Variants in OR56A3 observed in about 807,000 individuals in gnomAD.
OR56A3 encodes olfactory receptor 56A3.
Under a neutral mutation model 17.5 loss-of-function variants are expected in OR56A3, and 23 were observed. That is an observed-to-expected ratio of 1.32 (90% CI 0.95 to 1.87). The LOEUF (loss-of-function observed/expected upper bound fraction) is 1.87, where lower values mean the gene tolerates loss of function less well. Among genes scored for constraint, OR56A3 ranks in the 40% most tolerant of loss-of-function variants. OR56A3 has a pLI of 0.00. For synonymous variants in OR56A3, 175 were observed against 150.6 expected (o/e 1.16, Z -1.19); for missense variants, 366 against 380.1 (o/e 0.96, Z 0.31).
the OR56A3 span, among the ~76,000 whole-genome samples, chr11:5,962,458 G>A: frequency 6.6e-6 from 1 of 151,686 alleles, no homozygotes; most frequent in East Asian, 1.9e-4. Context: ...AATAGCTTGA[G>A]AAGAATTGAT....
chr11:5,995,983 T>C, the OR56A3 span, among the ~76,000 whole-genome samples: 1 of 152,204 alleles, frequency 6.6e-6, no homozygotes, highest in Non-Finnish European at 1.5e-5. Context: ...TGAGATCATG[T>C]GGTATTTGTC....
chr11:5,996,993 G>A, the OR56A3 span, among the ~76,000 whole-genome samples: 1 of 152,162 alleles, frequency 6.6e-6, no homozygotes, highest in Admixed American at 6.5e-5. Context: ...TGAGATTAAT[G>A]GCCCTATCTT....
chr11:6,006,860 C>T, the OR56A3 span: 1 of 152,498 alleles, frequency 6.6e-6, no homozygotes, highest in East Asian at 1.9e-4. Context: ...CTGGATTCCC[C>T]CTCCACTCAT....
At position 5,947,718 on chromosome 11, in the gene OR56A3, T is replaced by C. The variant is rs1480773782; in HGVS notation, c.372T>C (p.Tyr124=). 1.9e-6 allele frequency: 3 copies of C among 1,614,240 alleles called. No individual in the cohort carries two copies. Among genetic ancestry groups the C allele is most frequent in the Non-Finnish European group, 2.5e-6 (3 of 1,180,038 alleles). The stretch of plus-strand genomic sequence containing the variant: ...CTTGCACATTCATGGTCATGGCCTA[T>C]GATCGTTATGTAGCCATCTGCCACC... ...MESCTFMVMA[Y]DRYVAICHPL... The change falls in exon 3 of 3, where the codon TAT becomes TAC. Residue 124 remains tyrosine (Y), a synonymous_variant. Coordinates refer to ENST00000641160, the MANE Select transcript of OR56A3 (RefSeq NM_001003443.3).
the OR56A3 span, among the ~76,000 whole-genome samples, chr11:5,992,113 G>A: frequency 6.6e-6 from 1 of 152,228 alleles, no homozygotes; most frequent in African/African-American, 2.4e-5. Context: ...TGCTCTGTGA[G>A]CTCAGACTTC....
At chr11:5,969,960 T>C in the OR56A3 span, among the ~76,000 whole-genome samples, 1 of 152,068 alleles carries the variant, frequency 6.6e-6, no homozygotes, top group African/African-American at 2.4e-5. Flanking sequence ...GAAGAGAGGG[T>C]AGAATTCTAA....
downstream of OR56A3, chr11:5,951,353 C>G (rs1389352404): frequency 6.6e-6 from 1 of 152,030 alleles, no homozygotes; most frequent in Non-Finnish European, 1.5e-5. Flanking sequence ...CATTTACACA[C>G]ACATAGATCT....
At chr11:5,999,024 G>A in the OR56A3 span, among the ~76,000 whole-genome samples, 3 of 152,292 alleles carry the variant, frequency 2.0e-5, no homozygotes, top group East Asian at 1.9e-4. Context: ...CTGTCCCTAC[G>A]TGTTTCCGAA....
the OR56A3 span, chr11:5,993,846 C>A: frequency 4.7e-6 from 2 of 421,628 alleles, no homozygotes; most frequent in Admixed American, 3.0e-5. Context: ...GCCTCCTGCT[C>A]CCTAAAGGGT....
In OR56A3 at chr11:5,944,813, G is replaced by T. The variant is rs1847858342; in HGVS notation, c.-306G>T. Reference sequence around the variant, plus strand: ...ATACCCTATTATTTACAGGAGAAAAGAATTGGGAGAATATCTAAATCTCTT... The same window carrying T: ...ATACCCTATTATTTACAGGAGAAAATAATTGGGAGAATATCTAAATCTCTT... On this transcript the variant is annotated 5_prime_UTR_variant, in exon 2 of 3. Transcript: ENST00000641160. The T allele has an allele frequency of 1.3e-5, 2 of 152,194 alleles. No individual in the cohort carries two copies. Among genetic ancestry groups the T allele is most frequent in the African/African-American group, 4.8e-5 (2 of 41,450 alleles). 9.4% of individuals were successfully genotyped at this position (152,194 alleles called of 1,614,324 possible). A position where few individuals can be genotyped will look rare whatever the true frequency, so the allele number is the denominator to read the frequency against.
At chr11:5,959,959 T>C in the OR56A3 span, among the ~76,000 whole-genome samples, 3 of 152,260 alleles carry the variant, frequency 2.0e-5, no homozygotes, top group Non-Finnish European at 4.4e-5. Flanking sequence ...GCATCTTTGT[T>C]GAAAATCATA....
the OR56A3 span, chr11:5,999,844 T>G: frequency 6.6e-6 from 1 of 152,212 alleles, no homozygotes; most frequent in Non-Finnish European, 1.5e-5. Context: ...TATGACAGTG[T>G]CAGAGAAAGA....
chr11:6,020,137 A>G, the OR56A3 span: 6 of 152,142 alleles, frequency 3.9e-5, no homozygotes, highest in Non-Finnish European at 8.8e-5. Context: ...ACAGACCACA[A>G]GAATTCTGCA....
the OR56A3 span, among the ~76,000 whole-genome samples, chr11:6,018,883 T>C: frequency 6.6e-6 from 1 of 151,836 alleles, no homozygotes; most frequent in Non-Finnish European, 1.5e-5. Context: ...ATATTATCAG[T>C]GACTATTGGG....
the OR56A3 span, chr11:6,000,235 T>C: frequency 6.6e-6 from 1 of 151,688 alleles, no homozygotes; most frequent in Non-Finnish European, 1.5e-5. Flanking sequence ...AATGGTAGAC[T>C]GGATTAAGAA....
At chr11:5,983,136 T>C in the OR56A3 span, among the ~76,000 whole-genome samples, 1 of 152,312 alleles carries the variant, frequency 6.6e-6, no homozygotes, top group East Asian at 1.9e-4. Context: ...TTGTTTACCT[T>C]GGACTTAATT....
chr11:5,960,671 C>T, the OR56A3 span, among the ~76,000 whole-genome samples: 10 of 152,194 alleles, frequency 6.6e-5, no homozygotes, highest in African/African-American at 2.2e-4. Context: ...AGCCTCTGCC[C>T]GGCCGCCACC....
chr11:6,009,268 C>T, the OR56A3 span, among the ~76,000 whole-genome samples: 17 of 152,262 alleles, frequency 1.1e-4, no homozygotes, highest in South Asian at 1.4e-3. Flanking sequence ...CCATTTCATA[C>T]TGGTTTCTTC....
At chr11:5,967,391 C>A in the OR56A3 span, among the ~76,000 whole-genome samples, 1 of 152,158 alleles carries the variant, frequency 6.6e-6, no homozygotes, top group Non-Finnish European at 1.5e-5. Flanking sequence ...AAACAGAAAG[C>A]AGGATCCAAC....
Sources: allele counts gnomAD v4.1 joint callset (sites outside exome capture counted in the v4.1 genomes callset), GRCh38; gene constraint gnomAD v4.1.1; transcripts MANE v1.5; gene names NCBI Gene and HGNC (gene_info 2026-07-23, HGNC 2026-07-21).